Variants in MAST4 observed in about 807,000 individuals in gnomAD.
MAST4 encodes microtubule-associated serine/threonine-protein kinase 4.
In MAST4, 89 loss-of-function variants were observed where a neutral mutation model predicts 162.7. The observed-to-expected ratio is 0.55, with a 90% confidence interval of 0.46 to 0.65. The LOEUF (loss-of-function observed/expected upper bound fraction) is 0.65. Among genes scored for constraint, MAST4 ranks in the 30% least tolerant of loss-of-function variants. MAST4 has a pLI of 0.00. For synonymous variants in MAST4, 1,479 were observed against 1,361.1 expected (o/e 1.09, Z -1.91); for missense variants, 3,153 against 3,374.0 (o/e 0.93, Z 1.62).
At chr5:67,017,149 T>C (rs1753396248) in intron 4 of MAST4, among the ~76,000 whole-genome samples, 1 of 152,212 alleles carries the variant, frequency 6.6e-6, no homozygotes. Context: ...AACAATTGCA[T>C]AAGAATAGAC....
intron 5 of MAST4, among the ~76,000 whole-genome samples, chr5:67,054,727 C>A (rs1290764831): frequency 6.6e-6 from 1 of 152,100 alleles, no homozygotes; most frequent in Admixed American, 6.5e-5. Context: ...TTAATTATTT[C>A]TTTCTCCATT....
At chr5:66,752,877 CCAAAATTGACCACATAGTT>C (rs1483649650) in intron 1 of MAST4, among the ~76,000 whole-genome samples, 17 of 152,108 alleles carry the variant, frequency 1.1e-4, no homozygotes, top group Non-Finnish European at 1.8e-4. Flanking sequence ...CACACCTATT[CCAAAATTGACCACATAGTT>C]GGAAGTAAAG....
chr5:66,729,809 A>C (rs142234416), intron 1 of MAST4, among the ~76,000 whole-genome samples: 1 of 152,198 alleles, frequency 6.6e-6, no homozygotes, highest in Non-Finnish European at 1.5e-5. Flanking sequence ...ATAACTGATA[A>C]TAGGTAACAG....
At chr5:66,841,761 A>C (rs1355276929) in intron 3 of MAST4, among the ~76,000 whole-genome samples, 1 of 152,176 alleles carries the variant, frequency 6.6e-6, no homozygotes, top group Non-Finnish European at 1.5e-5. Flanking sequence ...GGGGATACAC[A>C]CATTCATACC....
intron 4 of MAST4, among the ~76,000 whole-genome samples, chr5:66,979,736 T>G (rs1748555851): frequency 6.6e-6 from 1 of 152,220 alleles, no homozygotes; most frequent in Admixed American, 6.5e-5. Flanking sequence ...AGGCAATAAT[T>G]TGTCCACCTT....
intron 4 of MAST4, among the ~76,000 whole-genome samples, chr5:66,970,546 A>G (rs1273053755): frequency 2.0e-5 from 3 of 152,166 alleles, no homozygotes; most frequent in African/African-American, 7.2e-5. Context: ...AGACACCTAC[A>G]TGTTCCAGGC....
intron 1 of MAST4, among the ~76,000 whole-genome samples, chr5:66,751,063 G>T (rs542488930): frequency 6.6e-6 from 1 of 151,208 alleles, no homozygotes; most frequent in South Asian, 2.1e-4. Flanking sequence ...CAGGGTATTC[G>T]AACAGACCTG....
intron 1 of MAST4, among the ~76,000 whole-genome samples, chr5:66,695,582 C>T (rs534312202): frequency 6.6e-6 from 1 of 152,200 alleles, no homozygotes; most frequent in East Asian, 1.9e-4. Flanking sequence ...ATGTGAATAG[C>T]ATTGAATCTG....
intron 3 of MAST4, among the ~76,000 whole-genome samples, chr5:66,796,892 T>C (rs1389637196): frequency 1.3e-5 from 2 of 152,164 alleles, no homozygotes; most frequent in Admixed American, 1.3e-4. Context: ...GGTTAGTACT[T>C]AGAAAATAGT....
chr5:66,648,855 T>A (rs1489676066), intron 1 of MAST4, among the ~76,000 whole-genome samples: 1 of 152,200 alleles, frequency 6.6e-6, no homozygotes, highest in Non-Finnish European at 1.5e-5. Flanking sequence ...AGTAAAAATC[T>A]TAATAGTAAG....
intron 12 of MAST4, among the ~76,000 whole-genome samples, chr5:67,115,934 G>A (rs991630152): frequency 1.3e-5 from 2 of 151,904 alleles, no homozygotes; most frequent in Non-Finnish European, 2.9e-5. Flanking sequence ...AGATTATAGC[G>A]ACTCTTCACG....
intron 1 of MAST4, among the ~76,000 whole-genome samples, chr5:66,729,167 A>T (rs1256271289): frequency 6.6e-6 from 1 of 152,220 alleles, no homozygotes; most frequent in Non-Finnish European, 1.5e-5. Context: ...TATGTCAGTG[A>T]ATGCAATGAT....
At chr5:67,076,468 A>C (rs978908534) in intron 5 of MAST4, among the ~76,000 whole-genome samples, 1 of 152,148 alleles carries the variant, frequency 6.6e-6, no homozygotes, top group African/African-American at 2.4e-5. Flanking sequence ...CCCAATAACA[A>C]ATTTATTTTC....
At chr5:66,863,231 C>T (rs1243924059) in intron 3 of MAST4, among the ~76,000 whole-genome samples, 1 of 152,136 alleles carries the variant, frequency 6.6e-6, no homozygotes, top group Non-Finnish European at 1.5e-5. Flanking sequence ...AAGTGAGAGC[C>T]AGAGGAGAAA....
chr5:66,626,707 A>G (rs545760585), intron 1 of MAST4, among the ~76,000 whole-genome samples: 1 of 152,344 alleles, frequency 6.6e-6, no homozygotes, highest in African/African-American at 2.4e-5. Context: ...AGAGAGTTAT[A>G]TGTCAGTGCT....
At chr5:67,137,102 A>T (rs902225156) in intron 19 of MAST4, among the ~76,000 whole-genome samples, 2 of 152,206 alleles carry the variant, frequency 1.3e-5, no homozygotes, top group African/African-American at 4.8e-5. Flanking sequence ...GTTACTATAC[A>T]CAAGCTTTGA....
intron 1 of MAST4, among the ~76,000 whole-genome samples, chr5:66,647,513 C>T (rs1345948405): frequency 1.3e-5 from 2 of 151,532 alleles, no homozygotes; most frequent in East Asian, 3.9e-4. Flanking sequence ...TATAAATAAA[C>T]CAAATCTAAA....
At chr5:66,647,278 G>A (rs1216800616) in intron 1 of MAST4, among the ~76,000 whole-genome samples, 3 of 152,114 alleles carry the variant, frequency 2.0e-5, no homozygotes, top group Admixed American at 2.0e-4. Context: ...TTAAAGAAAT[G>A]GTGAGGTAGG....
intron 3 of MAST4, among the ~76,000 whole-genome samples, chr5:66,844,506 A>G (rs1288796746): frequency 6.6e-6 from 1 of 152,000 alleles, no homozygotes; most frequent in Non-Finnish European, 1.5e-5. Context: ...TCATCATTGG[A>G]CCAGTCTTAT....
Sources: allele counts gnomAD v4.1 joint callset (sites outside exome capture counted in the v4.1 genomes callset), GRCh38; gene constraint gnomAD v4.1.1; transcripts MANE v1.5; gene names NCBI Gene and HGNC (gene_info 2026-07-23, HGNC 2026-07-21).